Variants in GC observed in about 807,000 individuals in gnomAD.
The protein encoded by GC is vitamin D-binding protein.
A neutral mutation model predicts 56.7 loss-of-function variants in GC; 43 were observed. The ratio of observed to expected loss-of-function variants is 0.76; its 90% CI spans 0.59 to 0.98. The LOEUF is 0.98. GC is among the 50% of genes least tolerant of loss of function. The pLI is 0.00. For synonymous variants in GC, 216 were observed against 202.7 expected, an observed-to-expected ratio of 1.07 and a Z score of -0.56; for missense variants, 529 against 545.9, an observed-to-expected ratio of 0.97 and a Z score of 0.31.
intron 1 of GC, among the ~76,000 whole-genome samples, chr4:71,793,506 G>T (rs1743019969): frequency 1.3e-5 from 2 of 152,134 alleles, no homozygotes; most frequent in South Asian, 4.1e-4. Context: ...CATTGATTTT[G>T]TATCCTGAGA....
chr4:71,798,167 A>G (rs114583746), intron 1 of GC, among the ~76,000 whole-genome samples: 158 of 152,288 alleles, frequency 1.0e-3, no homozygotes, highest in African/African-American at 3.5e-3. Context: ...ATTTTAATTT[A>G]TAGTTCCTAT....
intron 1 of GC, among the ~76,000 whole-genome samples, chr4:71,799,075 T>C (rs1259294315): frequency 6.6e-6 from 1 of 152,186 alleles, no homozygotes; most frequent in African/African-American, 2.4e-5. Flanking sequence ...CCTTTTGGCA[T>C]GACAGTGTGA....
At chr4:71,763,600 T>C (rs750421359) in intron 5 of GC, 98 bp from the exon 6 acceptor site, 1 of 787,496 alleles carries the variant, frequency 1.3e-6, no homozygotes, top group Admixed American at 2.3e-5. Context: ...GATTTTTTAA[T>C]GAATAGGAAA....
intron 11 of GC, among the ~76,000 whole-genome samples, chr4:71,751,865 T>G (rs1242367188): frequency 4.6e-5 from 7 of 152,172 alleles, no homozygotes; most frequent in African/African-American, 1.7e-4. Context: ...ATTTTAATAT[T>G]CTTTAAAATC....
chr4:71,748,007 A>G (rs1177072912), intron 11 of GC, among the ~76,000 whole-genome samples: 1 of 152,188 alleles, frequency 6.6e-6, no homozygotes, highest in Admixed American at 6.5e-5. Flanking sequence ...TAGCTAAGTT[A>G]GGGCTGACGT....
At chr4:71,774,643 C>A (rs1742449489) in intron 1 of GC, among the ~76,000 whole-genome samples, 1 of 151,902 alleles carries the variant, frequency 6.6e-6, no homozygotes, top group African/African-American at 2.4e-5. Flanking sequence ...ATCATGATAA[C>A]AATTAAAATT....
Position 71,763,813 on chromosome 4 carries a change from A to C in GC, c.597T>G (p.Phe199Leu), listed in dbSNP as rs1340040717. 6.2e-7 allele frequency: 1 copy of C among 1,611,996 alleles called. No homozygotes were observed. The highest frequency in any genetic ancestry group is 1.1e-5 in the South Asian group (1 of 90,840). Reference protein sequence around the residue: ...CCTSASPTVCFLKERLQLKHL... With the variant: ...CCTSASPTVCLLKERLQLKHL... ...GTAAAATGGGACATACCTCTTTCAA[A>C]AAGCATACAGTTGGGCTTGCAGAGG... Residue 199 changes from phenylalanine to leucine, a missense_variant, in exon 5 of 13, where the codon TTT (phenylalanine) becomes TTG (leucine). Physicochemically the swap from Phe to Leu is conservative, Grantham distance 22. Coordinates refer to ENST00000273951, the MANE Select transcript of GC (RefSeq NM_000583.4).
chr4:71,764,056 A>C, intron 4 of GC, 120 bp from the exon 5 acceptor site: 1 of 725,386 alleles, frequency 1.4e-6, no homozygotes, highest in East Asian at 2.6e-5. Context: ...ATCATAGCTC[A>C]CTGCAGTCTC....
intron 1 of GC, 98 bp from the exon 2 acceptor site, chr4:71,769,498 GA>G (rs1461971436): frequency 1.3e-6 from 1 of 794,428 alleles, no homozygotes; most frequent in East Asian, 2.7e-5. Context: ...GGCCTACAAT[GA>G]AAGTCGTATT....
At chr4:71,762,762 C>A (rs959728039) in intron 6 of GC, among the ~76,000 whole-genome samples, 1 of 152,166 alleles carries the variant, frequency 6.6e-6, no homozygotes, top group African/African-American at 2.4e-5. Context: ...TCTCTCTTTG[C>A]CTGCTGCCAT....
At chr4:71,792,025 A>G (rs1366622624) in intron 1 of GC, among the ~76,000 whole-genome samples, 1 of 152,158 alleles carries the variant, frequency 6.6e-6, no homozygotes, top group Non-Finnish European at 1.5e-5. Flanking sequence ...ATAGTATTCC[A>G]TGGTGTATGT....
At chr4:71,795,140 T>C (rs1370638640) in intron 1 of GC, among the ~76,000 whole-genome samples, 1 of 152,214 alleles carries the variant, frequency 6.6e-6, no homozygotes, top group Non-Finnish European at 1.5e-5. Flanking sequence ...TTCTGTTGAT[T>C]TGGGGTGGAG....
At chr4:71,785,044 G>A (rs767397723), upstream of GC, among the ~76,000 whole-genome samples, 17 of 151,682 alleles carry the variant, frequency 1.1e-4, no homozygotes, top group Non-Finnish European at 2.1e-4. Flanking sequence ...TGTTACACAT[G>A]CTCTAAAATC....
At chr4:71,797,406 CT>C (rs1743132367) in intron 1 of GC, among the ~76,000 whole-genome samples, 1 of 152,258 alleles carries the variant, frequency 6.6e-6, no homozygotes, top group African/African-American at 2.4e-5. Flanking sequence ...GGGGACACCC[CT>C]CCTCCCGCTC....
chr4:71,741,787 T>G lies in GC; in HGVS notation c.*109A>C, dbSNP rs1047265092. On this transcript the variant is annotated 3_prime_UTR_variant, in exon 13 of 13. Coordinates refer to ENST00000273951, the MANE Select transcript of GC (RefSeq NM_000583.4). ...TTGTAGCTAGAAAAAGTAGAAAGTA[T>G]CCTAGTTGTCTTCCCAGAAGCTCAG... 1.4e-6 allele frequency: 1 copy of G among 701,870 alleles called. No individual in the cohort carries two copies. Among genetic ancestry groups the G allele is most frequent in the Non-Finnish European group, 2.6e-6 (1 of 384,784 alleles). The allele number at this position is 701,870 out of a possible 1,614,324, so 43.5% of individuals were successfully genotyped here.
chr4:71,796,033 G>A (rs915754019), intron 1 of GC, among the ~76,000 whole-genome samples: 2 of 152,216 alleles, frequency 1.3e-5, no homozygotes, highest in African/African-American at 2.4e-5. Context: ...TCCGCTGTTA[G>A]TGTGATGGTT....
At chr4:71,754,315 A>C (rs776291506) in intron 10 of GC, 96 bp downstream of exon 10, 1 of 652,788 alleles carries the variant, frequency 1.5e-6, no homozygotes, top group Non-Finnish European at 2.7e-6. Context: ...TTGTTCACTG[A>C]AGACAAGCTT....
intron 1 of GC, among the ~76,000 whole-genome samples, chr4:71,781,671 G>T (rs1470814979): frequency 1.3e-5 from 2 of 151,826 alleles, no homozygotes; most frequent in African/African-American, 4.8e-5. Context: ...ATCCATTTCA[G>T]TCCTAGGGGA....
upstream of GC, among the ~76,000 whole-genome samples, chr4:71,785,044 G>T (rs767397723): frequency 6.6e-6 from 1 of 151,682 alleles, no homozygotes; most frequent in East Asian, 1.9e-4. Flanking sequence ...TGTTACACAT[G>T]CTCTAAAATC....
Sources: gnomAD v4.1 joint callset for allele counts (sites outside exome capture counted in the v4.1 genomes callset) on GRCh38, gnomAD v4.1.1 for gene constraint, MANE v1.5 for transcripts, NCBI Gene and HGNC (gene_info 2026-07-23, HGNC 2026-07-21) for gene names.